PTBP2: variants seen among roughly 807,000 people sequenced by gnomAD.
PTBP2 encodes polypyrimidine tract-binding protein 2.
In PTBP2, 13 loss-of-function variants were observed where a neutral mutation model predicts 61.4. The ratio of observed to expected loss-of-function variants is 0.21; its 90% CI spans 0.14 to 0.34. The LOEUF is 0.34. Among genes scored for constraint, PTBP2 ranks in the 10% least tolerant of loss-of-function variants. The pLI is 1.00. For missense variants in PTBP2, 405 were observed against 642.6 expected (o/e 0.63, Z 4.00); for synonymous variants, 215 against 218.5 (o/e 0.98, Z 0.14).
chr1:96,727,618 A>T (rs1179294896), intron 2 of PTBP2, among the ~76,000 whole-genome samples: 1 of 151,988 alleles, frequency 6.6e-6, no homozygotes, highest in Non-Finnish European at 1.5e-5. Context: ...TTCACTGTGG[A>T]TTTAATTTGC....
intron 2 of PTBP2, among the ~76,000 whole-genome samples, chr1:96,746,427 T>A (rs1653771957): frequency 6.6e-6 from 1 of 152,152 alleles, no homozygotes; most frequent in African/African-American, 2.4e-5. Flanking sequence ...GTCTTACATC[T>A]TTTTTCCCCC....
At chr1:96,766,293 A>G (rs960882880) in intron 3 of PTBP2, among the ~76,000 whole-genome samples, 1 of 152,232 alleles carries the variant, frequency 6.6e-6, no homozygotes. Context: ...GATTTTTTAC[A>G]TTCATATACA....
At position 96,726,611 on chromosome 1, in the gene PTBP2, G is replaced by C. The variant is rs550706367; in HGVS notation, c.39+3017G>C. ...TGCCACCACGCCTGGCTTCTTTTTT[G>C]TATATTCAGTAGAGACAGAGTTTCA... On this transcript the variant is annotated intron_variant, in intron 2 of 13. Coordinates refer to ENST00000674951, the MANE Select transcript of PTBP2 (RefSeq NM_021190.4). 9.9e-5 allele frequency among the ~76,000 whole-genome samples: 15 copies of C among 152,038 alleles called. No individual in the cohort carries two copies. In the East Asian group the frequency reaches 2.7e-3, roughly 28 times the overall value.
At position 96,814,287 on chromosome 1, in the gene PTBP2, G is replaced by A. The variant is rs1662342121; in HGVS notation, c.*882G>A. 1 of 152,464 alleles carries A rather than the reference G, an allele frequency of 6.6e-6. No homozygotes were observed. Among genetic ancestry groups the A allele is most frequent in the Admixed American group, 6.6e-5 (1 of 15,254 alleles). 9.4% of individuals were successfully genotyped at this position (152,464 alleles called of 1,614,324 possible). A position where few individuals can be genotyped will look rare whatever the true frequency, so the allele number is the denominator to read the frequency against. On this transcript the variant is annotated 3_prime_UTR_variant, in exon 14 of 14. Coordinates refer to ENST00000674951, the MANE Select transcript of PTBP2 (RefSeq NM_021190.4). ...CATCCTTAGTTTGTAATTAAGATTT[G>A]GAATATGGTTGTGGATTTCTGAGCA...
At chr1:96,776,164 T>G (rs1440292049) in intron 5 of PTBP2, among the ~76,000 whole-genome samples, 1 of 152,022 alleles carries the variant, frequency 6.6e-6, no homozygotes, top group Non-Finnish European at 1.5e-5. Flanking sequence ...AGTGTTTTTC[T>G]AAGTTGTGGT....
In PTBP2 at chr1:96,751,461, A is replaced by G. The variant is rs1654530277; in HGVS notation, c.76A>G (p.Ser26Gly). The change falls in exon 3 of 14, where the codon AGT (serine) becomes GGT (glycine). Residue 26 changes from serine to glycine, a missense_variant. By Grantham distance (56) the Ser-to-Gly change is moderately conservative. Around this residue, in one of 4 missense-constraint regions of PTBP2, gnomAD observed 342 missense variants for 491.2 expected, o/e 0.70. Transcript: ENST00000674951. ...CGAACTACTCTCAGGCAGTGTTCTCAGTAGTCCGAACTCTAATATGAGCAG... is the reference window on the plus strand; with the variant it reads ...CGAACTACTCTCAGGCAGTGTTCTCGGTAGTCCGAACTCTAATATGAGCAG... ...SDELLSGSVL[S>G]SPNSNMSSMV... The G allele has an allele frequency of 4.3e-6, 7 of 1,613,024 alleles. No individual in the cohort carries two copies. In the East Asian group the frequency reaches 1.6e-4, roughly 36 times the overall value.
chr1:96,783,586 A>C (rs1214158265), intron 7 of PTBP2, among the ~76,000 whole-genome samples: 1 of 152,020 alleles, frequency 6.6e-6, no homozygotes, highest in Admixed American at 6.6e-5. Context: ...CTTTTCTCAT[A>C]AGGTATCATT....
chr1:96,783,239 T>C (rs969456458), intron 7 of PTBP2, among the ~76,000 whole-genome samples: 2 of 152,048 alleles, frequency 1.3e-5, no homozygotes, highest in Non-Finnish European at 2.9e-5. Flanking sequence ...GGATTTTTGC[T>C]CTCATACACC....
In PTBP2 at chr1:96,786,184, A is replaced by G. The variant is rs140021844; in HGVS notation, c.904+930A>G. On this transcript the variant is annotated intron_variant, in intron 8 of 13. Transcript: ENST00000674951. Reference sequence around the variant, plus strand: ...AGTTATTGGAAATATTTACTTCCCAATATATAACAGTCATGCCATCAGTTT... The same window carrying G: ...AGTTATTGGAAATATTTACTTCCCAGTATATAACAGTCATGCCATCAGTTT... Among the ~76,000 whole-genome samples, 187 of 152,302 alleles carry G rather than the reference A, an allele frequency of 1.2e-3. No homozygotes were observed. The Middle Eastern group carries it at 0.014, about 11-fold the overall frequency.
intron 3 of PTBP2, 76 bp from the exon 4 acceptor site, chr1:96,769,627 T>G (rs1657156402): frequency 8.8e-7 from 1 of 1,134,332 alleles, no homozygotes; most frequent in Admixed American, 3.0e-5. Flanking sequence ...AAATTTGTAG[T>G]TTTTTTACAC....
At chr1:96,767,139 A>C (rs1035785064) in intron 3 of PTBP2, among the ~76,000 whole-genome samples, 3 of 152,180 alleles carry the variant, frequency 2.0e-5, no homozygotes, top group Non-Finnish European at 4.4e-5. Flanking sequence ...TCTTTGTCTT[A>C]TCCTTTGATT....
intron 5 of PTBP2, among the ~76,000 whole-genome samples, chr1:96,776,371 C>T (rs1219903011): frequency 6.6e-6 from 1 of 151,626 alleles, no homozygotes; most frequent in Non-Finnish European, 1.5e-5. Flanking sequence ...TAATCTATCA[C>T]ATTTCAAAAT....
At chr1:96,803,275 G>C (rs1226895160) in intron 8 of PTBP2, among the ~76,000 whole-genome samples, 2 of 152,052 alleles carry the variant, frequency 1.3e-5, no homozygotes, top group African/African-American at 2.4e-5. Context: ...GGGATGAAAC[G>C]AGATTGGCCA....
intron 8 of PTBP2, among the ~76,000 whole-genome samples, chr1:96,792,372 A>G (rs1659941169): frequency 6.6e-6 from 1 of 152,216 alleles, no homozygotes; most frequent in Non-Finnish European, 1.5e-5. Context: ...AAAGTAGGGT[A>G]CAAAGAACAG....
At chr1:96,772,623 G>A (rs540786810) in intron 5 of PTBP2, among the ~76,000 whole-genome samples, 182 of 152,114 alleles carry the variant, frequency 1.2e-3, no homozygotes, top group African/African-American at 4.3e-3. Context: ...CTCTACTAAT[G>A]TGAGTTCAGC....
rs273868 is a variant in PTBP2 at position 96,777,391 on chromosome 1, C to A, written c.433-194C>A. 2.3e-3 allele frequency among the ~76,000 whole-genome samples: 344 copies of A among 152,164 alleles called. 2 individuals are homozygous for A. Among genetic ancestry groups the A allele is most frequent in the African/African-American group, 8.1e-3 (337 of 41,506 alleles). ...CTGGATAATTTTTTTGAATGAAATACTAGTAGAATATTTGATTTATTAAAC... is the reference window on the plus strand; with the variant it reads ...CTGGATAATTTTTTTGAATGAAATAATAGTAGAATATTTGATTTATTAAAC... On this transcript the variant is annotated intron_variant, in intron 5 of 13. Coordinates refer to ENST00000674951, the MANE Select transcript of PTBP2 (RefSeq NM_021190.4).
chr1:96,813,158 AGTTTTT>A, intron 13 of PTBP2, 52 bp downstream of exon 13: 1 of 1,556,978 alleles, frequency 6.4e-7, no homozygotes, highest in Non-Finnish European at 8.7e-7. Flanking sequence ...ATTTTTAAGT[AGTTTTT>A]GTTCTTTTCG....
chr1:96,803,256 G>C (rs1482828382), intron 8 of PTBP2, among the ~76,000 whole-genome samples: 1 of 152,082 alleles, frequency 6.6e-6, no homozygotes, highest in African/African-American at 2.4e-5. Flanking sequence ...TTTACTTTAA[G>C]AATAAAAGGG....
chr1:96,793,014 T>C (rs191769652), intron 8 of PTBP2, among the ~76,000 whole-genome samples: 6 of 152,228 alleles, frequency 3.9e-5, no homozygotes, highest in Non-Finnish European at 8.8e-5. Context: ...CTGAATGCCA[T>C]AGTAACACCA....
Sources: gnomAD v4.1 joint callset for allele counts (sites outside exome capture counted in the v4.1 genomes callset) on GRCh38, gnomAD v4.1.1 for gene constraint, gnomAD v4.1.1 regional missense constraint, MANE v1.5 for transcripts, NCBI Gene and HGNC (gene_info 2026-07-23, HGNC 2026-07-21) for gene names.